Variants in TAB2 observed in about 807,000 individuals in gnomAD.
TAB2 encodes the protein TGF-beta-activated kinase 1 and MAP3K7-binding protein 2.
Under a neutral mutation model 65.0 loss-of-function variants are expected in TAB2, and 3 were observed. The ratio of observed to expected loss-of-function variants is 0.05; its 90% CI spans 0.02 to 0.12. TAB2 has a LOEUF of 0.12. TAB2 is among the 10% of genes least tolerant of loss of function. TAB2 has a pLI of 1.00. For synonymous variants in TAB2, 298 were observed against 285.1 expected (o/e 1.05, Z -0.46); for missense variants, 623 against 840.3 (o/e 0.74, Z 3.20).
intron 3 of TAB2, among the ~76,000 whole-genome samples, chr6:149,392,943 C>T (rs1022809728): frequency 4.8e-5 from 7 of 145,216 alleles, no homozygotes; most frequent in African/African-American, 2.0e-4. Flanking sequence ...GCAGACAAAA[C>T]TCACAGCTAG....
chr6:149,248,178 G>A (rs1162419521), intron 1 of TAB2, among the ~76,000 whole-genome samples: 1 of 152,098 alleles, frequency 6.6e-6, no homozygotes, highest in African/African-American at 2.4e-5. Flanking sequence ...GGTCACCTGA[G>A]GTCAGGAGTT....
intron 1 of TAB2, among the ~76,000 whole-genome samples, chr6:149,339,911 G>T (rs1383161035): frequency 6.6e-6 from 1 of 152,058 alleles, no homozygotes; most frequent in African/African-American, 2.4e-5. Flanking sequence ...CTTGAAATTT[G>T]TTTAATTGCT....
chr6:149,323,975 C>A (rs1351595536), intron 1 of TAB2, among the ~76,000 whole-genome samples: 1 of 151,754 alleles, frequency 6.6e-6, no homozygotes, highest in Non-Finnish European at 1.5e-5. Flanking sequence ...AGAAATAATT[C>A]CTACAAGGTG....
chr6:149,316,724 T>A (rs1779261410), upstream of TAB2, among the ~76,000 whole-genome samples: 1 of 152,220 alleles, frequency 6.6e-6, no homozygotes, highest in African/African-American at 2.4e-5. Context: ...TCTTTGGCTC[T>A]GCTTCTAGGA....
At position 149,288,858 on chromosome 6, in the gene TAB2, T is replaced by A. The variant is rs939037085; in HGVS notation, c.-121+70082T>A. 2.0e-3 allele frequency among the ~76,000 whole-genome samples: 175 copies of A among 87,596 alleles called. 1 individual carries two copies. Among genetic ancestry groups the A allele is most frequent in the Non-Finnish European group, 4.3e-4 (18 of 42,220 alleles). The allele number at this position is 87,596 out of a possible 152,430, so 57.5% of individuals were successfully genotyped here. On this transcript the variant is annotated intron_variant, in intron 1 of 1. Coordinates refer to the TAB2 transcript ENST00000606202. ...AGTGATTTTTTTTAATTTTTAATTT[T>A]TTTTTTTTTTTTTTTTTGAGACAGA...
intron 1 of TAB2, among the ~76,000 whole-genome samples, chr6:149,338,076 T>G (rs1018488089): frequency 6.6e-6 from 1 of 152,198 alleles, no homozygotes; most frequent in Non-Finnish European, 1.5e-5. Context: ...GTTTTGGGAT[T>G]CAAACATTTT....
At chr6:149,324,332 G>C (rs1359367702) in intron 1 of TAB2, among the ~76,000 whole-genome samples, 1 of 152,098 alleles carries the variant, frequency 6.6e-6, no homozygotes, top group Non-Finnish European at 1.5e-5. Flanking sequence ...GTGTAGGAAA[G>C]AGTAATTTTT....
chr6:149,282,143 G>C (rs891068592), intron 1 of TAB2, among the ~76,000 whole-genome samples: 2 of 150,160 alleles, frequency 1.3e-5, no homozygotes, highest in African/African-American at 4.9e-5. Flanking sequence ...TCCAGCCTGG[G>C]CGGCTGAGCA....
At chr6:149,381,798 C>T (rs1781619713) in intron 3 of TAB2, among the ~76,000 whole-genome samples, 1 of 151,784 alleles carries the variant, frequency 6.6e-6, no homozygotes, top group Admixed American at 6.6e-5. Flanking sequence ...GTCTTGAACC[C>T]CTGGGCTCAA....
At chr6:149,232,096 C>A (rs998722712) in intron 1 of TAB2, among the ~76,000 whole-genome samples, 1 of 152,116 alleles carries the variant, frequency 6.6e-6, no homozygotes, top group African/African-American at 2.4e-5. Flanking sequence ...GGACAGGGAA[C>A]AAGACGTGCG....
chr6:149,238,946 C>T (rs537984283), intron 1 of TAB2, among the ~76,000 whole-genome samples: 1 of 152,250 alleles, frequency 6.6e-6, no homozygotes, highest in African/African-American at 2.4e-5. Flanking sequence ...GAGGGAATGT[C>T]TAATCTTAGC....
At chr6:149,338,737 A>G (rs199797120) in intron 1 of TAB2, among the ~76,000 whole-genome samples, 12 of 152,316 alleles carry the variant, frequency 7.9e-5, no homozygotes, top group African/African-American at 2.9e-4. Flanking sequence ...TTCTGAATTG[A>G]TAACAGAAAT....
intron 1 of TAB2, among the ~76,000 whole-genome samples, chr6:149,237,941 A>G (rs75101685): frequency 0.051 from 7,723 of 152,170 alleles, 635 homozygotes; most frequent in African/African-American, 0.17. Context: ...GAAGCTTTCT[A>G]CCTGCTCCCC....
intron 1 of TAB2, among the ~76,000 whole-genome samples, chr6:149,307,083 C>T (rs544038508): frequency 9.2e-5 from 14 of 152,268 alleles, no homozygotes; most frequent in South Asian, 2.1e-4. Flanking sequence ...GCCCCAAGAT[C>T]TGGGGCTGAG....
chr6:149,223,012 T>C (rs898851709), intron 1 of TAB2, among the ~76,000 whole-genome samples: 2 of 152,258 alleles, frequency 1.3e-5, no homozygotes, highest in African/African-American at 4.8e-5. Context: ...TATTCATTAT[T>C]TCCTGTACCA....
chr6:149,231,403 T>C (rs1777402458), intron 1 of TAB2, among the ~76,000 whole-genome samples: 1 of 152,264 alleles, frequency 6.6e-6, no homozygotes, highest in Non-Finnish European at 1.5e-5. Context: ...TGCAATCAGA[T>C]ACTTAATTGC....
chr6:149,261,002 A>G (rs1339695184), intron 1 of TAB2, among the ~76,000 whole-genome samples: 3 of 152,218 alleles, frequency 2.0e-5, no homozygotes, highest in East Asian at 1.9e-4. Context: ...CATTTAAGTC[A>G]TGTTTGCAGC....
At chr6:149,328,193 A>G (rs1003913638) in intron 1 of TAB2, among the ~76,000 whole-genome samples, 2 of 152,256 alleles carry the variant, frequency 1.3e-5, no homozygotes, top group Non-Finnish European at 2.9e-5. Flanking sequence ...GAAACTCCAT[A>G]GAGCGTATTT....
chr6:149,399,108 A>G lies in TAB2; in HGVS notation c.1863A>G (p.Pro621=), dbSNP rs1238211596. ...TTTACTTTTTATATATTTCAGGACC[A>G]CATTTTAACCCCAGCGCTATTCATA... ...KEIDLFQARG[P]HFNPSAIHNF... Residue 621 remains proline (P), a synonymous_variant, in exon 6 of 7, where the codon CCA becomes CCG. Coordinates refer to ENST00000637181, the MANE Select transcript of TAB2 (RefSeq NM_001292034.3). 6.2e-7 allele frequency: 1 copy of G among 1,613,090 alleles called. No homozygotes were observed. The highest frequency in any genetic ancestry group is 1.7e-5 in the Admixed American group (1 of 59,998).
Sources: gnomAD v4.1 joint callset for allele counts (sites outside exome capture counted in the v4.1 genomes callset) on GRCh38, gnomAD v4.1.1 for gene constraint, MANE v1.5 for transcripts, NCBI Gene and HGNC (gene_info 2026-07-23, HGNC 2026-07-21) for gene names.